The following ROBO1 variants were observed in gnomAD, a reference collection of about 807,000 sequenced individuals.
The protein encoded by ROBO1 is roundabout guidance receptor 1, also known as roundabout homolog 1.
Under a neutral mutation model 195.9 loss-of-function variants are expected in ROBO1, and 149 were observed. The observed-to-expected ratio is 0.76, with a 90% CI of 0.67 to 0.87. ROBO1 has a LOEUF of 0.87. ROBO1 is among the 40% of genes least tolerant of loss of function. The pLI is 0.00. For synonymous variants in ROBO1, 816 were observed against 733.2 expected (o/e 1.11, Z -1.82); for missense variants, 1,933 against 2,068.3 (o/e 0.93, Z 1.27).
chr3:78,869,480 G>A (rs766811588), intron 4 of ROBO1, among the ~76,000 whole-genome samples: 1 of 152,072 alleles, frequency 6.6e-6, no homozygotes, highest in Non-Finnish European at 1.5e-5. Context: ...TGCTTTCTAT[G>A]GCTTATTTTA....
At chr3:78,802,406 T>C (rs1224631380) in intron 4 of ROBO1, among the ~76,000 whole-genome samples, 2 of 152,162 alleles carry the variant, frequency 1.3e-5, no homozygotes, top group Admixed American at 6.5e-5. Context: ...TGAAAATCTT[T>C]AGCACATGAA....
intron 3 of ROBO1, among the ~76,000 whole-genome samples, chr3:79,024,883 G>GAAAGACCATATGTT (rs1299073581): frequency 2.4e-4 from 37 of 152,312 alleles, no homozygotes; most frequent in Admixed American, 2.3e-3. Context: ...ATATGTTTAA[G>GAAAGACCATATGTT]TCACTGCACT....
At chr3:79,674,416 T>C (rs1486231629) in intron 1 of ROBO1, among the ~76,000 whole-genome samples, 1 of 151,962 alleles carries the variant, frequency 6.6e-6, no homozygotes, top group African/African-American at 2.4e-5. Context: ...TTGGGTTTTG[T>C]TCTTGGTTTA....
At chr3:78,894,888 T>C (rs1242798089) in intron 4 of ROBO1, among the ~76,000 whole-genome samples, 2 of 152,220 alleles carry the variant, frequency 1.3e-5, no homozygotes, top group Non-Finnish European at 2.9e-5. Context: ...AAGAGAACAC[T>C]GTAAGCAAAG....
chr3:79,165,715 G>A (rs2108678197), intron 2 of ROBO1, among the ~76,000 whole-genome samples: 1 of 152,272 alleles, frequency 6.6e-6, no homozygotes. Flanking sequence ...ATGTGCACCA[G>A]ACCAGATACA....
At chr3:79,394,648 T>C (rs1258908477) in intron 2 of ROBO1, among the ~76,000 whole-genome samples, 1 of 152,114 alleles carries the variant, frequency 6.6e-6, no homozygotes, top group East Asian at 1.9e-4. Context: ...TTTTATATTG[T>C]TGATGAGAAC....
chr3:79,759,062 C>T (rs1028057151), intron 1 of ROBO1, among the ~76,000 whole-genome samples: 2 of 151,700 alleles, frequency 1.3e-5, no homozygotes, highest in Admixed American at 1.3e-4. Context: ...TTAACACTCT[C>T]TTAAATTAAT....
intron 3 of ROBO1, among the ~76,000 whole-genome samples, chr3:79,071,160 A>AC (rs2079081522): frequency 6.6e-6 from 1 of 151,716 alleles, no homozygotes; most frequent in Admixed American, 6.6e-5. Flanking sequence ...AGATCTCCTG[A>AC]CCTTATTACT....
chr3:78,696,487 C>A (rs2081292512), intron 8 of ROBO1, among the ~76,000 whole-genome samples: 1 of 152,038 alleles, frequency 6.6e-6, no homozygotes, highest in African/African-American at 2.4e-5. Context: ...CTGACAATAT[C>A]TAACTCTCTG....
chr3:78,993,591 T>C (rs182527937), intron 3 of ROBO1, among the ~76,000 whole-genome samples: 87 of 152,280 alleles, frequency 5.7e-4, no homozygotes, highest in Non-Finnish European at 1.0e-3. Flanking sequence ...GACCTTTGCA[T>C]TTCCGCCATG....
intron 2 of ROBO1, among the ~76,000 whole-genome samples, chr3:79,280,419 T>A (rs1276844367): frequency 1.3e-5 from 2 of 152,102 alleles, no homozygotes; most frequent in Non-Finnish European, 2.9e-5. Flanking sequence ...CAAAAGTTGG[T>A]AGAAAAACCC....
chr3:79,208,847 C>G (rs1482690361), intron 2 of ROBO1, among the ~76,000 whole-genome samples: 5 of 151,822 alleles, frequency 3.3e-5, no homozygotes, highest in African/African-American at 4.8e-5. Flanking sequence ...ATGACTGCAA[C>G]CTTTCCGAGA....
At chr3:78,925,696 T>A (rs2039174089) in intron 4 of ROBO1, among the ~76,000 whole-genome samples, 1 of 152,088 alleles carries the variant, frequency 6.6e-6, no homozygotes, top group Non-Finnish European at 1.5e-5. Context: ...GAGAAGTAAG[T>A]GCCAAATACA....
At chr3:78,662,151 C>A (rs1418201169) in intron 14 of ROBO1, 37 bp from the exon 15 acceptor site, 3 of 1,528,846 alleles carry the variant, frequency 2.0e-6, no homozygotes. Flanking sequence ...AGGGTCTGCA[C>A]AACGTTACTG....
intron 3 of ROBO1, among the ~76,000 whole-genome samples, chr3:78,946,500 C>T (rs2040453888): frequency 6.6e-6 from 1 of 152,086 alleles, no homozygotes; most frequent in African/African-American, 2.4e-5. Flanking sequence ...CCAGGCCTGC[C>T]CTAAAAGAGC....
At chr3:78,805,926 A>G (rs1356559923) in intron 4 of ROBO1, among the ~76,000 whole-genome samples, 2 of 152,092 alleles carry the variant, frequency 1.3e-5, no homozygotes. Flanking sequence ...AAAAATTCTC[A>G]ATAGACTTCA....
chr3:78,955,131 G>A (rs1202232177), intron 3 of ROBO1, among the ~76,000 whole-genome samples: 1 of 147,994 alleles, frequency 6.8e-6, no homozygotes, highest in Admixed American at 6.8e-5. Flanking sequence ...TAAACTGTGT[G>A]TCATGGAGTT....
chr3:79,473,533 T>C (rs1387424617), intron 2 of ROBO1, among the ~76,000 whole-genome samples: 2 of 152,058 alleles, frequency 1.3e-5, no homozygotes, highest in East Asian at 3.8e-4. Flanking sequence ...CCCGCTGAAA[T>C]GGTCTCAGCA....
intron 2 of ROBO1, among the ~76,000 whole-genome samples, chr3:79,423,762 G>GT (rs1422210909): frequency 6.6e-6 from 1 of 152,078 alleles, no homozygotes; most frequent in Non-Finnish European, 1.5e-5. Context: ...ATAAAGTGTA[G>GT]TTTTTGCGGA....
Sources: allele counts gnomAD v4.1 joint callset (sites outside exome capture counted in the v4.1 genomes callset), GRCh38; gene constraint gnomAD v4.1.1; transcripts MANE v1.5; gene names NCBI Gene and HGNC (gene_info 2026-07-23, HGNC 2026-07-21).